The following GCH1 variants were observed in gnomAD, a reference collection of about 807,000 sequenced individuals.
GCH1 encodes the protein GTP cyclohydrolase I.
GCH1 carries 5 observed loss-of-function variants against 25.9 expected under a neutral mutation model. The observed-to-expected ratio is 0.19, with a 90% CI of 0.10 to 0.41. GCH1 has a LOEUF of 0.41. Ranked by LOEUF, GCH1 falls within the 10% of genes least tolerant of loss-of-function variation. The probability of loss-of-function intolerance (pLI) is 1.00; values close to 1 mark genes in which losing one functional copy is unlikely to be tolerated. For missense variants in GCH1, 261 were observed against 336.5 expected (o/e 0.78, Z 1.75); for synonymous variants, 159 against 129.6 (o/e 1.23, Z -1.54).
chr14:54,898,635 G>A (rs150173728), intron 1 of GCH1, among the ~76,000 whole-genome samples: 1 of 151,372 alleles, frequency 6.6e-6, no homozygotes, highest in South Asian at 2.1e-4. Context: ...TTTATTTACT[G>A]TTGAGACGGA....
rs374420051 is a variant in GCH1, at chr14:54,859,662, A to C, written c.509+19T>G. 1 of 1,468,578 alleles carries C rather than the reference A, an allele frequency of 6.8e-7. No homozygotes were observed. The highest frequency in any genetic ancestry group is 1.1e-5 in the South Asian group (1 of 88,118). The allele number at this position is 1,468,578 out of a possible 1,614,324, so 91.0% of individuals were successfully genotyped here. On this transcript the variant is annotated intron_variant, in intron 3 of 5. Transcript: ENST00000491895. ...GTCCTATAAACCTGTATTCTTGTTC[A>C]CTGCACAGTCACACTTACCTCGCAA...
chr14:54,873,448 A>T (rs1175149400), intron 1 of GCH1, among the ~76,000 whole-genome samples: 3 of 152,340 alleles, frequency 2.0e-5, no homozygotes, highest in Admixed American at 2.0e-4. Context: ...GAGAAGCAAG[A>T]GCAAACATAT....
At chr14:54,892,075 T>C (rs1222707094) in intron 1 of GCH1, among the ~76,000 whole-genome samples, 9 of 152,234 alleles carry the variant, frequency 5.9e-5, no homozygotes, top group Non-Finnish European at 1.5e-5. Flanking sequence ...ACAAATCTTC[T>C]ATCTGTGAAA....
At chr14:54,890,542 G>A (rs1256907345) in intron 1 of GCH1, among the ~76,000 whole-genome samples, 1 of 152,184 alleles carries the variant, frequency 6.6e-6, no homozygotes, top group Non-Finnish European at 1.5e-5. Flanking sequence ...AGATGAAGTA[G>A]CAACATGTGT....
chr14:54,874,177 G>T (rs538668374), intron 1 of GCH1, among the ~76,000 whole-genome samples: 7 of 152,292 alleles, frequency 4.6e-5, no homozygotes, highest in East Asian at 1.9e-4. Flanking sequence ...GGGATGCAAG[G>T]CTGGTTCAAC....
intron 3 of GCH1, among the ~76,000 whole-genome samples, chr14:54,858,406 C>T (rs913745934): frequency 2.6e-5 from 4 of 152,134 alleles, no homozygotes; most frequent in Non-Finnish European, 5.9e-5. Flanking sequence ...CTGCCTCAGC[C>T]TCCTGATTAG....
Position 54,902,762 on chromosome 14 carries a change from G to A in GCH1, c.-99C>T. On this transcript the variant is annotated 5_prime_UTR_variant, in exon 1 of 6. Transcript: ENST00000491895. Reference sequence around the variant, plus strand: ...GGCCGCGGACAATGGGCTGTGGCCGGAGTCACCTGAGGAAGGTACGCAACC... The same window carrying A: ...GGCCGCGGACAATGGGCTGTGGCCGAAGTCACCTGAGGAAGGTACGCAACC... 7.4e-7 allele frequency: 1 copy of A among 1,353,246 alleles called. No homozygotes were observed. Among genetic ancestry groups the A allele is most frequent in the Non-Finnish European group, 9.5e-7 (1 of 1,056,110 alleles). The allele number at this position is 1,353,246 out of a possible 1,614,324, so 83.8% of individuals were successfully genotyped here.
chr14:54,886,275 A>C (rs1407201687), intron 1 of GCH1: 1 of 152,774 alleles, frequency 6.5e-6, no homozygotes, highest in Non-Finnish European at 1.5e-5. Context: ...TTTTACATTT[A>C]GTTTGTGATT....
chr14:54,902,691 GA>G lies in GCH1; in HGVS notation c.-29del. On this transcript the variant is annotated 5_prime_UTR_variant, in exon 1 of 6. Transcript: ENST00000491895. Reference sequence around the variant, plus strand: ...ACCCGCCGCAGCCGCTGCCGTTCGGGAAGGACCCCGGGGCGCTTCGAGGTCT... The same window carrying G: ...ACCCGCCGCAGCCGCTGCCGTTCGGGAGGACCCCGGGGCGCTTCGAGGTCT... 7.0e-7 allele frequency: 1 copy of G among 1,432,980 alleles called. No individual in the cohort carries two copies. The highest frequency in any genetic ancestry group is 2.9e-5 in the Admixed American group (1 of 34,502). The allele number at this position is 1,432,980 out of a possible 1,614,324, so 88.8% of individuals were successfully genotyped here. A position where few individuals can be genotyped will look rare whatever the true frequency, so the allele number is the denominator to read the frequency against.
At chr14:54,882,443 T>C (rs1279176719) in intron 1 of GCH1, among the ~76,000 whole-genome samples, 1 of 152,258 alleles carries the variant, frequency 6.6e-6, no homozygotes, top group Non-Finnish European at 1.5e-5. Context: ...GGTCTCAGTT[T>C]ACTACTCTGA....
intron 1 of GCH1, among the ~76,000 whole-genome samples, chr14:54,887,576 T>C (rs1169185855): frequency 6.6e-6 from 1 of 152,190 alleles, no homozygotes; most frequent in Non-Finnish European, 1.5e-5. Context: ...GAGTGGATCC[T>C]TGTTGGAAAA....
intron 1 of GCH1, among the ~76,000 whole-genome samples, chr14:54,896,648 C>G (rs1324852808): frequency 1.3e-5 from 2 of 151,932 alleles, no homozygotes; most frequent in Non-Finnish European, 2.9e-5. Context: ...AGCGGTGGCT[C>G]ACGCCTGTAA....
intron 1 of GCH1, among the ~76,000 whole-genome samples, chr14:54,870,868 A>T (rs2040064729): frequency 6.6e-6 from 1 of 152,148 alleles, no homozygotes; most frequent in African/African-American, 2.4e-5. Context: ...AACTGGGTGG[A>T]GCCCACCGCA....
chr14:54,864,848 G>T (rs1018617987), intron 2 of GCH1, among the ~76,000 whole-genome samples: 1 of 152,094 alleles, frequency 6.6e-6, no homozygotes, highest in Non-Finnish European at 1.5e-5. Context: ...ATATAGAAAG[G>T]AATGGAAACA....
In GCH1 at chr14:54,875,009, T is replaced by C. The variant is rs1460526630; in HGVS notation, c.344-9573A>G. On this transcript the variant is annotated intron_variant, in intron 1 of 5. Transcript: ENST00000491895. Reference sequence around the variant, plus strand: ...TATGGAACCAAAAAAGAGACCGCATTGCCAAGTCAATCCTAAGCCAAAAGA... The same window carrying C: ...TATGGAACCAAAAAAGAGACCGCATCGCCAAGTCAATCCTAAGCCAAAAGA... Among the ~76,000 whole-genome samples the C allele has an allele frequency of 7.2e-5, 11 of 152,210 alleles. 1 individual carries two copies. In the Middle Eastern group the frequency reaches 0.014, roughly 188 times the overall value.
intron 1 of GCH1, chr14:54,885,980 C>T: frequency 3.7e-6 from 1 of 272,032 alleles, no homozygotes. Flanking sequence ...AGACTATCAG[C>T]ATCCTGTTTC....
At chr14:54,880,774 CATATATATATATACTCCATAT>C (rs1566677265) in intron 1 of GCH1, among the ~76,000 whole-genome samples, 1 of 52,272 alleles carries the variant, frequency 1.9e-5, no homozygotes, top group African/African-American at 1.1e-4. Flanking sequence ...ATATATACTC[CATATATATATATACTCCATAT>C]ATATATATAT....
At chr14:54,855,631 T>C (rs949872699) in intron 3 of GCH1, among the ~76,000 whole-genome samples, 3 of 150,380 alleles carry the variant, frequency 2.0e-5, no homozygotes, top group African/African-American at 7.4e-5. Context: ...TTGGCCAACA[T>C]GGAGAAACCC....
chr14:54,883,547 C>T (rs2040304296), intron 1 of GCH1, among the ~76,000 whole-genome samples: 1 of 151,958 alleles, frequency 6.6e-6, no homozygotes, highest in South Asian at 2.1e-4. Context: ...GGCGTGGTGG[C>T]AGGCGCCTGT....
Sources: allele counts gnomAD v4.1 joint callset (sites outside exome capture counted in the v4.1 genomes callset), GRCh38; gene constraint gnomAD v4.1.1; transcripts MANE v1.5; gene names NCBI Gene and HGNC (gene_info 2026-07-23, HGNC 2026-07-21).